ACTN4: variants seen among roughly 807,000 people sequenced by gnomAD.
ACTN4 encodes the protein alpha-actinin-4.
In ACTN4, 18 loss-of-function variants were observed where a neutral mutation model predicts 114.2. That is an observed-to-expected ratio of 0.16 (90% confidence interval 0.11 to 0.23). The LOEUF (loss-of-function observed/expected upper bound fraction) is 0.23. Ranked by LOEUF, ACTN4 falls within the 10% of genes least tolerant of loss-of-function variation. The probability of loss-of-function intolerance (pLI) is 1.00; values close to 1 mark genes in which losing one functional copy is unlikely to be tolerated. For missense variants in ACTN4, 722 were observed against 1,262.9 expected (o/e 0.57, Z 6.49); for synonymous variants, 515 against 506.3 (o/e 1.02, Z -0.23).
At chr19:38,650,939 G>A (rs1455325075) in intron 1 of ACTN4, among the ~76,000 whole-genome samples, 2 of 152,134 alleles carry the variant, frequency 1.3e-5, no homozygotes, top group African/African-American at 4.8e-5. Flanking sequence ...CTCCATGTTG[G>A]TCGGGCTGGT....
intron 1 of ACTN4, among the ~76,000 whole-genome samples, chr19:38,662,954 G>C (rs552046806): frequency 1.3e-5 from 2 of 151,882 alleles, no homozygotes; most frequent in African/African-American, 4.8e-5. Context: ...TGTTGTTCAG[G>C]AGTGGAGTGC....
chr19:38,729,029 G>A lies in ACTN4; in HGVS notation c.2452G>A (p.Val818Ile). 6.2e-7 allele frequency: 1 copy of A among 1,613,450 alleles called. No homozygotes were observed. The highest frequency in any genetic ancestry group is 1.1e-5 in the South Asian group (1 of 91,070). Residue 818 changes from valine to isoleucine, a missense_variant, in exon 20 of 21, where the codon GTC (valine) becomes ATC (isoleucine). Transcript: ENST00000252699. ...EAEFNRIMSL[V>I]DPNHSGLVTF... is the part of the protein sequence containing the mutation. ...CGAGTTCAACCGCATCATGAGCCTG[G>A]TCGACCCCAACCATAGCGGCCTTGT...
intron 1 of ACTN4, among the ~76,000 whole-genome samples, chr19:38,662,909 G>GTTTT (rs377341870): frequency 4.2e-5 from 6 of 142,262 alleles, no homozygotes; most frequent in African/African-American, 1.6e-4. Context: ...AAGTGGGTCT[G>GTTTT]TTTTTTTTTT....
intron 1 of ACTN4, among the ~76,000 whole-genome samples, chr19:38,654,387 C>A (rs1271676501): frequency 6.6e-6 from 1 of 151,906 alleles, no homozygotes; most frequent in African/African-American, 2.4e-5. Flanking sequence ...CATGGTGAAA[C>A]CCCATCTCTA....
intron 1 of ACTN4, among the ~76,000 whole-genome samples, chr19:38,696,933 C>G (rs1968113868): frequency 6.6e-6 from 1 of 152,240 alleles, no homozygotes; most frequent in Non-Finnish European, 1.5e-5. Context: ...AGCAAACCTT[C>G]CTTTGACATG....
At chr19:38,671,479 T>C (rs1967127228) in intron 1 of ACTN4, among the ~76,000 whole-genome samples, 1 of 152,208 alleles carries the variant, frequency 6.6e-6, no homozygotes, top group African/African-American at 2.4e-5. Flanking sequence ...TTCTTTAGGA[T>C]TGATCTCTTA....
intron 1 of ACTN4, among the ~76,000 whole-genome samples, chr19:38,691,107 T>C (rs1599804931): frequency 1.3e-5 from 2 of 152,132 alleles, no homozygotes; most frequent in Admixed American, 6.5e-5. Context: ...TGATGAAAAG[T>C]GCAGTGAGTA....
At chr19:38,710,429 C>G in intron 8 of ACTN4, 87 bp downstream of exon 8, 8 of 1,421,866 alleles carry the variant, frequency 5.6e-6, no homozygotes, top group Non-Finnish European at 7.9e-6. Flanking sequence ...CCTCATTTCT[C>G]TTGCAGACGG....
intron 19 of ACTN4, chr19:38,728,519 C>T (rs1180173541): frequency 6.7e-6 from 4 of 593,254 alleles, no homozygotes; most frequent in Admixed American, 5.1e-5. Context: ...GCCCGAGCAG[C>T]GCAGCCGTGC....
At chr19:38,676,742 T>G (rs1967388799) in intron 1 of ACTN4, among the ~76,000 whole-genome samples, 1 of 152,146 alleles carries the variant, frequency 6.6e-6, no homozygotes, top group Non-Finnish European at 1.5e-5. Context: ...AGCAGCCTCA[T>G]TGTCCCTTTG....
intron 1 of ACTN4, among the ~76,000 whole-genome samples, chr19:38,666,268 A>T (rs1311832236): frequency 6.6e-6 from 1 of 152,044 alleles, no homozygotes; most frequent in Non-Finnish European, 1.5e-5. Flanking sequence ...AGGCAAAAGA[A>T]TGAGGAGAAT....
At chr19:38,716,448 C>A (rs1384400342) in intron 9 of ACTN4, among the ~76,000 whole-genome samples, 6 of 152,202 alleles carry the variant, frequency 3.9e-5, no homozygotes, top group Non-Finnish European at 7.3e-5. Context: ...AAGACAGCGG[C>A]AGTGGGGCAT....
intron 9 of ACTN4, among the ~76,000 whole-genome samples, chr19:38,716,088 A>G (rs553230875): frequency 4.6e-5 from 7 of 152,162 alleles, no homozygotes; most frequent in African/African-American, 1.4e-4. Context: ...TTTTTTTAGT[A>G]GAGATGGGGT....
intron 19 of ACTN4, chr19:38,728,329 G>A: frequency 1.3e-6 from 2 of 1,488,700 alleles, no homozygotes; most frequent in Non-Finnish European, 1.8e-6. Context: ...CAGACAGGCA[G>A]CATGGACTCC....
At chr19:38,670,033 G>T (rs1207089317) in intron 1 of ACTN4, among the ~76,000 whole-genome samples, 1 of 152,158 alleles carries the variant, frequency 6.6e-6, no homozygotes, top group Non-Finnish European at 1.5e-5. Flanking sequence ...GCAGCTGAAG[G>T]GGGTCGTTCC....
At chr19:38,673,629 A>G (rs1401728477) in intron 1 of ACTN4, among the ~76,000 whole-genome samples, 1 of 50,280 alleles carries the variant, frequency 2.0e-5, no homozygotes, top group Non-Finnish European at 4.4e-5. Flanking sequence ...ATATATATTC[A>G]TATATATTTA....
At chr19:38,647,961 G>A in intron 1 of ACTN4, 54 bp downstream of exon 1, 3 of 1,408,246 alleles carry the variant, frequency 2.1e-6, no homozygotes, top group Non-Finnish European at 2.8e-6. Flanking sequence ...GGGGGCCCGG[G>A]GAGGGGTGGG....
At chr19:38,715,332 A>G (rs1413180124) in intron 9 of ACTN4, among the ~76,000 whole-genome samples, 1 of 152,132 alleles carries the variant, frequency 6.6e-6, no homozygotes, top group East Asian at 1.9e-4. Flanking sequence ...CCTTGTCTCT[A>G]CTGAAAATAC....
At chr19:38,675,476 C>G (rs888606314) in intron 1 of ACTN4, among the ~76,000 whole-genome samples, 4 of 152,204 alleles carry the variant, frequency 2.6e-5, no homozygotes, top group Admixed American at 6.5e-5. Context: ...CTCAAGTGAT[C>G]CTCCACCTTG....
Sources: gnomAD v4.1 joint callset for allele counts (sites outside exome capture counted in the v4.1 genomes callset) on GRCh38, gnomAD v4.1.1 for gene constraint, MANE v1.5 for transcripts, NCBI Gene and HGNC (gene_info 2026-07-23, HGNC 2026-07-21) for gene names.